ANKS1B: variants seen among roughly 807,000 people sequenced by gnomAD.
ANKS1B encodes ankyrin repeat and sterile alpha motif domain-containing protein 1B.
In ANKS1B, 36 loss-of-function variants were observed where a neutral mutation model predicts 148.3. The observed-to-expected ratio is 0.24, with a 90% CI of 0.19 to 0.32. The LOEUF (loss-of-function observed/expected upper bound fraction) is 0.32, where lower values mean the gene tolerates loss of function less well. Ranked by LOEUF, ANKS1B falls within the 10% of genes least tolerant of loss-of-function variation. The pLI, the probability that ANKS1B is intolerant of heterozygous loss-of-function variation, is 1.00. For missense variants in ANKS1B, 1,157 were observed against 1,542.6 expected, an observed-to-expected ratio of 0.75 and a Z score of 4.19; for synonymous variants, 542 against 560.8, an observed-to-expected ratio of 0.97 and a Z score of 0.47.
At chr12:99,212,067 C>CCGGA (rs1429747378) in intron 14 of ANKS1B, among the ~76,000 whole-genome samples, 2 of 152,180 alleles carry the variant, frequency 1.3e-5, no homozygotes, top group East Asian at 3.8e-4. Flanking sequence ...GGAAAAAAGT[C>CCGGA]CATTCTGCAT....
intron 1 of ANKS1B, among the ~76,000 whole-genome samples, chr12:99,860,037 T>C (rs1370146340): frequency 1.3e-5 from 2 of 152,220 alleles, no homozygotes; most frequent in African/African-American, 4.8e-5. Context: ...CAAAGATTAA[T>C]ATTTATTGGG....
chr12:98,760,025 T>A (rs1208574168), intron 25 of ANKS1B, among the ~76,000 whole-genome samples: 5 of 152,100 alleles, frequency 3.3e-5, no homozygotes, highest in Admixed American at 3.3e-4. Context: ...GTTAAAAGAC[T>A]ACGTAAAAAT....
chr12:99,982,313 A>T lies in ANKS1B; in HGVS notation c.134+1791T>A, dbSNP rs140813245. On this transcript the variant is annotated intron_variant, in intron 1 of 26. Coordinates refer to ENST00000683438, the MANE Select transcript of ANKS1B (RefSeq NM_001352186.2). Reference sequence around the variant, plus strand: ...ATTAAATACTTGGTGTTTTATCCCTAAAACTTGACATCTATTCTTTAAAAA... The same window carrying T: ...ATTAAATACTTGGTGTTTTATCCCTTAAACTTGACATCTATTCTTTAAAAA... Among the ~76,000 whole-genome samples, 336 of 145,000 alleles carry T rather than the reference A, an allele frequency of 2.3e-3. 5 individuals are homozygous for T. Among genetic ancestry groups the T allele is most frequent in the African/African-American group, 8.5e-3 (324 of 37,988 alleles).
At chr12:98,902,653 C>A (rs2099773697) in intron 17 of ANKS1B, among the ~76,000 whole-genome samples, 2 of 152,172 alleles carry the variant, frequency 1.3e-5, no homozygotes, top group South Asian at 4.1e-4. Flanking sequence ...AGACCCTGAG[C>A]AACTTGCTTA....
At chr12:99,371,439 T>G (rs1390372778) in intron 12 of ANKS1B, among the ~76,000 whole-genome samples, 1 of 152,076 alleles carries the variant, frequency 6.6e-6, no homozygotes, top group Non-Finnish European at 1.5e-5. Context: ...ATAAGACATG[T>G]GAGAAGAAGG....
chr12:99,253,702 T>A (rs1315150293), intron 12 of ANKS1B, among the ~76,000 whole-genome samples: 2 of 152,142 alleles, frequency 1.3e-5, no homozygotes, highest in Non-Finnish European at 2.9e-5. Flanking sequence ...TCCTAAATAA[T>A]TTCAAATTGC....
At chr12:99,897,798 A>G (rs1565951998) in intron 1 of ANKS1B, among the ~76,000 whole-genome samples, 1 of 150,282 alleles carries the variant, frequency 6.7e-6, no homozygotes, top group Non-Finnish European at 1.5e-5. Context: ...GGGATATAGA[A>G]AGGAGAGGGA....
intron 17 of ANKS1B, among the ~76,000 whole-genome samples, chr12:99,014,756 C>G (rs997134670): frequency 6.6e-6 from 1 of 152,088 alleles, no homozygotes; most frequent in Non-Finnish European, 1.5e-5. Flanking sequence ...ATGTGGCCAA[C>G]AATCACATGA....
chr12:99,747,387 C>CTTGTAAA (rs2060691877), intron 8 of ANKS1B, among the ~76,000 whole-genome samples: 2 of 151,960 alleles, frequency 1.3e-5, no homozygotes, highest in Admixed American at 1.3e-4. Flanking sequence ...TAAATTCAGC[C>CTTGTAAA]TTCATAAGTT....
chr12:98,910,282 C>T (rs1347397085), intron 17 of ANKS1B, among the ~76,000 whole-genome samples: 2 of 152,166 alleles, frequency 1.3e-5, no homozygotes, highest in Non-Finnish European at 2.9e-5. Context: ...TCTCAGTCTA[C>T]GTATCTTCAT....
chr12:99,955,480 G>GA (rs2095305873), intron 1 of ANKS1B, among the ~76,000 whole-genome samples: 1 of 107,608 alleles, frequency 9.3e-6, no homozygotes, highest in African/African-American at 3.8e-5. Flanking sequence ...GCGACAGAGC[G>GA]AAACTCCGTC....
chr12:99,918,566 C>A (rs1034172483), intron 1 of ANKS1B, among the ~76,000 whole-genome samples: 5 of 152,178 alleles, frequency 3.3e-5, no homozygotes, highest in African/African-American at 1.2e-4. Context: ...AGAATCAGAA[C>A]TTGACCCTGG....
chr12:99,307,500 A>G (rs2082519825), intron 12 of ANKS1B, among the ~76,000 whole-genome samples: 1 of 152,098 alleles, frequency 6.6e-6, no homozygotes, highest in Admixed American at 6.6e-5. Flanking sequence ...AAAGGCAGTG[A>G]ACAGGCAGTC....
chr12:98,955,481 A>C (rs568951416), intron 17 of ANKS1B, among the ~76,000 whole-genome samples: 1 of 152,202 alleles, frequency 6.6e-6, no homozygotes. Context: ...TATTGAGAAA[A>C]GCCAGAAGGG....
chr12:99,242,623 T>C (rs1377478625), intron 14 of ANKS1B, among the ~76,000 whole-genome samples: 1 of 152,102 alleles, frequency 6.6e-6, no homozygotes, highest in Non-Finnish European at 1.5e-5. Context: ...GGAGGCATCA[T>C]GCTATCTGAC....
At chr12:98,989,667 C>T (rs906485082) in intron 17 of ANKS1B, among the ~76,000 whole-genome samples, 1 of 152,062 alleles carries the variant, frequency 6.6e-6, no homozygotes, top group African/African-American at 2.4e-5. Context: ...GAGCCAGGCA[C>T]GGTGGCTTGC....
At chr12:98,976,038 T>C (rs544619784) in intron 17 of ANKS1B, among the ~76,000 whole-genome samples, 1 of 152,310 alleles carries the variant, frequency 6.6e-6, no homozygotes, top group Admixed American at 6.5e-5. Flanking sequence ...TTAAAAAGCA[T>C]ATAGATGAGC....
At chr12:99,323,100 T>G (rs1161057832) in intron 12 of ANKS1B, among the ~76,000 whole-genome samples, 1 of 152,144 alleles carries the variant, frequency 6.6e-6, no homozygotes, top group Non-Finnish European at 1.5e-5. Flanking sequence ...TGCTCTTCCT[T>G]TATATTATCC....
intron 1 of ANKS1B, among the ~76,000 whole-genome samples, chr12:99,845,258 A>C (rs930592389): frequency 3.3e-5 from 5 of 152,060 alleles, no homozygotes; most frequent in Non-Finnish European, 5.9e-5. Flanking sequence ...CAGAACTTCC[A>C]ATACTTGAAT....
Sources: allele counts gnomAD v4.1 joint callset (sites outside exome capture counted in the v4.1 genomes callset), GRCh38; gene constraint gnomAD v4.1.1; transcripts MANE v1.5; gene names NCBI Gene and HGNC (gene_info 2026-07-23, HGNC 2026-07-21).